The following GMDS variants were observed in gnomAD, a reference collection of about 807,000 sequenced individuals.
The protein encoded by GMDS is GDP-mannose 4,6 dehydratase.
GMDS carries 20 observed loss-of-function variants against 49.9 expected under a neutral mutation model. The observed-to-expected ratio is 0.40, with a 90% CI of 0.28 to 0.58. GMDS has a LOEUF of 0.58. Ranked by LOEUF, GMDS falls within the 20% of genes least tolerant of loss-of-function variation. GMDS has a pLI of 0.42. For missense variants in GMDS, 362 were observed against 481.4 expected, an observed-to-expected ratio of 0.75 and a Z score of 2.32; for synonymous variants, 177 against 178.6, an observed-to-expected ratio of 0.99 and a Z score of 0.07.
At chr6:1,913,907 A>C (rs1242413776) in intron 7 of GMDS, among the ~76,000 whole-genome samples, 1 of 152,232 alleles carries the variant, frequency 6.6e-6, no homozygotes, top group African/African-American at 2.4e-5. Flanking sequence ...AAATAAGGCA[A>C]GCTTAAGTTT....
At chr6:2,075,595 T>G (rs1006287066) in intron 4 of GMDS, among the ~76,000 whole-genome samples, 1 of 152,232 alleles carries the variant, frequency 6.6e-6, no homozygotes, top group African/African-American at 2.4e-5. Context: ...CTCATCATTT[T>G]TTATGGCTAC....
intron 7 of GMDS, among the ~76,000 whole-genome samples, chr6:1,900,934 G>A (rs1453242502): frequency 2.6e-5 from 4 of 152,254 alleles, no homozygotes; most frequent in South Asian, 2.1e-4. Context: ...AACATGTCGC[G>A]CTAACTCACT....
chr6:1,947,947 T>C (rs1278582255), intron 6 of GMDS, among the ~76,000 whole-genome samples: 4 of 152,224 alleles, frequency 2.6e-5, no homozygotes, highest in Non-Finnish European at 4.4e-5. Flanking sequence ...ATTCCTTCTG[T>C]TTATTAATTT....
rs530131815 is a variant in GMDS, at chr6:1,832,216, C to T, written c.772-89630G>A. On this transcript the variant is annotated intron_variant, in intron 7 of 10. Coordinates refer to ENST00000380815, the MANE Select transcript of GMDS (RefSeq NM_001500.4). ...GACCAGCCTGGGCAATATAACAAGACCCCATCTCTACAAAAAATAAGAAAA... is the reference window on the plus strand; with the variant it reads ...GACCAGCCTGGGCAATATAACAAGATCCCATCTCTACAAAAAATAAGAAAA... Among the ~76,000 whole-genome samples, 7 of 151,212 alleles carry T rather than the reference C, an allele frequency of 4.6e-5. No homozygotes were observed. The South Asian group carries it at 1.3e-3, about 28-fold the overall frequency.
chr6:1,855,394 T>C (rs963277566), intron 7 of GMDS, among the ~76,000 whole-genome samples: 8 of 152,168 alleles, frequency 5.3e-5, no homozygotes, highest in Non-Finnish European at 1.0e-4. Flanking sequence ...GCCTACTTAG[T>C]AAAGAAAAAG....
At chr6:2,223,419 A>AT (rs1780683204) in intron 1 of GMDS, among the ~76,000 whole-genome samples, 1 of 151,898 alleles carries the variant, frequency 6.6e-6, no homozygotes. Flanking sequence ...CGACCATCTG[A>AT]CATGATCAGA....
chr6:1,911,461 T>C (rs957592088), intron 7 of GMDS, among the ~76,000 whole-genome samples: 5 of 152,044 alleles, frequency 3.3e-5, no homozygotes, highest in Admixed American at 6.6e-5. Context: ...CTGATAACCA[T>C]GCTTTATTCA....
At chr6:2,075,250 A>ATT (rs879479087) in intron 4 of GMDS, among the ~76,000 whole-genome samples, 1 of 147,594 alleles carries the variant, frequency 6.8e-6, no homozygotes, top group African/African-American at 2.5e-5. Context: ...AATGCTATAA[A>ATT]TTTTTTTTTT....
At chr6:2,104,140 T>C (rs1262375232) in intron 4 of GMDS, among the ~76,000 whole-genome samples, 1 of 152,228 alleles carries the variant, frequency 6.6e-6, no homozygotes. Context: ...GTTTCTCTTT[T>C]ACTTCCCTCT....
chr6:1,625,175 C>T (rs1762814500), intron 9 of GMDS: 1 of 152,238 alleles, frequency 6.6e-6, no homozygotes, highest in African/African-American at 2.4e-5. Context: ...GCGGTTCTTC[C>T]TGGGCGGTGG....
intron 8 of GMDS, among the ~76,000 whole-genome samples, chr6:1,741,811 C>CA (rs758949708): frequency 0.23 from 5,207 of 22,936 alleles, 1,090 homozygotes; most frequent in East Asian, 0.41. Flanking sequence ...GACTCTGTCT[C>CA]AAAAAAAAAA....
chr6:2,238,946 C>G (rs1450026522), intron 1 of GMDS, among the ~76,000 whole-genome samples: 1 of 152,178 alleles, frequency 6.6e-6, no homozygotes, highest in African/African-American at 2.4e-5. Context: ...CAAATTCTGA[C>G]AACATACAAC....
chr6:2,031,805 G>A (rs1192661944), intron 4 of GMDS, among the ~76,000 whole-genome samples: 2 of 152,162 alleles, frequency 1.3e-5, no homozygotes, highest in Non-Finnish European at 2.9e-5. Flanking sequence ...AATGTTTCCT[G>A]TACTTTCTTC....
intron 1 of GMDS, among the ~76,000 whole-genome samples, chr6:2,208,946 C>A (rs2127581546): frequency 6.6e-6 from 1 of 151,950 alleles, no homozygotes; most frequent in Non-Finnish European, 1.5e-5. Context: ...CCTGTCCAAG[C>A]ATAAGAGCAA....
intron 9 of GMDS, among the ~76,000 whole-genome samples, chr6:1,656,495 G>C (rs1763884600): frequency 6.6e-6 from 1 of 152,142 alleles, no homozygotes; most frequent in Non-Finnish European, 1.5e-5. Context: ...CGGGAGTGGT[G>C]GCTCATGCCT....
intron 7 of GMDS, among the ~76,000 whole-genome samples, chr6:1,743,136 A>C (rs1042996379): frequency 2.0e-5 from 3 of 152,346 alleles, no homozygotes; most frequent in African/African-American, 7.2e-5. Flanking sequence ...ATGGAAAAAC[A>C]ACCACGTAAT....
At chr6:1,702,801 C>A (rs1325777054) in intron 9 of GMDS, among the ~76,000 whole-genome samples, 1 of 152,184 alleles carries the variant, frequency 6.6e-6, no homozygotes, top group Non-Finnish European at 1.5e-5. Context: ...CGCCTCACTG[C>A]CCATCTGGTG....
intron 1 of GMDS, among the ~76,000 whole-genome samples, chr6:2,240,138 C>T (rs1370316418): frequency 6.6e-6 from 1 of 152,238 alleles, no homozygotes; most frequent in Non-Finnish European, 1.5e-5. Flanking sequence ...GAAAGACTCA[C>T]TGGACATTAA....
At position 1,662,029 on chromosome 6, in the gene GMDS, G is replaced by A. The variant is rs551202678; in HGVS notation, c.988-37489C>T. ...AGGAGCACCGGGAGTCACAAATGGC[G>A]ACTCGCCTTGGCTCCGAAGCTGCTG... is the stretch of plus-strand genomic sequence containing the variant. On this transcript the variant is annotated intron_variant, in intron 9 of 10. Transcript: ENST00000380815. Among the ~76,000 whole-genome samples the A allele has an allele frequency of 5.3e-5, 8 of 152,198 alleles. No homozygotes were observed. The South Asian group carries it at 6.2e-4, about 12-fold the overall frequency.
Sources: gnomAD v4.1 joint callset for allele counts (sites outside exome capture counted in the v4.1 genomes callset) on GRCh38, gnomAD v4.1.1 for gene constraint, MANE v1.5 for transcripts, NCBI Gene and HGNC (gene_info 2026-07-23, HGNC 2026-07-21) for gene names.